Variants in ZNF829 observed in about 807,000 individuals in gnomAD.
ZNF829 encodes zinc finger protein 829.
ZNF829 carries 25 observed loss-of-function variants against 35.2 expected under a neutral mutation model. The observed-to-expected ratio is 0.71, with a 90% CI of 0.52 to 0.99. The LOEUF is 0.99. Ranked by LOEUF, ZNF829 falls within the 50% of genes least tolerant of loss-of-function variation. The pLI, the probability that ZNF829 is intolerant of heterozygous loss-of-function variation, is 0.00. For synonymous variants in ZNF829, 136 were observed against 163.2 expected (o/e 0.83, Z 1.27); for missense variants, 417 against 515.3 (o/e 0.81, Z 1.85).
chr19:36,900,394 T>C (rs2073154932), intron 5 of ZNF829, among the ~76,000 whole-genome samples: 1 of 149,366 alleles, frequency 6.7e-6, no homozygotes, highest in Non-Finnish European at 1.5e-5. Flanking sequence ...AAACTAAGAG[T>C]ACAATAAGAT....
chr19:36,903,331 GT>G (rs1568370406), intron 5 of ZNF829, among the ~76,000 whole-genome samples: 1 of 152,080 alleles, frequency 6.6e-6, no homozygotes, highest in Non-Finnish European at 1.5e-5. Context: ...GTTTTGTTTT[GT>G]TTTGTTTTTG....
intron 5 of ZNF829, among the ~76,000 whole-genome samples, chr19:36,900,191 CACACACAA>C (rs1044268541): frequency 1.1e-4 from 14 of 124,260 alleles, no homozygotes; most frequent in African/African-American, 3.1e-4. Context: ...CACACACACA[CACACACAA>C]ATTTGCTGGG....
intron 5 of ZNF829, chr19:36,907,396 C>G (rs908199670): frequency 2.6e-5 from 4 of 152,436 alleles, no homozygotes; most frequent in Admixed American, 1.3e-4. Context: ...TTCTGAGGTG[C>G]TAGTAATGTT....
intron 5 of ZNF829, among the ~76,000 whole-genome samples, chr19:36,898,859 T>C (rs1327474017): frequency 2.0e-5 from 3 of 152,224 alleles, no homozygotes; most frequent in African/African-American, 7.2e-5. Context: ...AAACTCAAAA[T>C]GAATTAAATA....
chr19:36,892,824 C>T (rs771493994), intron 5 of ZNF829: 97 of 869,390 alleles, frequency 1.1e-4, no homozygotes, highest in Non-Finnish European at 1.2e-4. Context: ...CCAGATCCCC[C>T]ACAGGCGCTG....
At position 36,892,281 on chromosome 19, in the gene ZNF829, T is replaced by C. The variant is rs80239416; in HGVS notation, c.510A>G (p.Gln170=). 2.0e-3 allele frequency: 3,156 copies of C among 1,613,894 alleles called. 64 individuals carry two copies. In the African/African-American group the frequency reaches 0.037, roughly 19 times the overall value. The stretch of plus-strand genomic sequence containing the variant: ...AATGAATTCTCTGATGTTGGATAAA[T>C]TGTGAGTTTTGATTAAAGGTCTTTC... ...ICGKTFNQNS[Q]FIQHQRIHFG... The change falls in exon 6 of 6, where the codon CAA becomes CAG. Residue 170 remains glutamine (Q), a synonymous_variant. Transcript: ENST00000391711.
At chr19:36,906,005 A>T (rs2073212575) in intron 5 of ZNF829, 2 of 152,190 alleles carry the variant, frequency 1.3e-5, no homozygotes, top group South Asian at 4.1e-4. Context: ...TCATCTCAAT[A>T]AACACTAAGA....
intron 5 of ZNF829, among the ~76,000 whole-genome samples, chr19:36,903,901 C>T (rs540870003): frequency 6.6e-6 from 1 of 151,830 alleles, no homozygotes; most frequent in African/African-American, 2.4e-5. Flanking sequence ...TTAAAAAAAC[C>T]AATTGTTCCA....
At chr19:36,910,687 G>T (rs1568372621) in intron 3 of ZNF829, among the ~76,000 whole-genome samples, 1 of 152,054 alleles carries the variant, frequency 6.6e-6, no homozygotes, top group Non-Finnish European at 1.5e-5. Flanking sequence ...CCATTTTGCT[G>T]TTCCTTAGTT....
At chr19:36,901,372 G>C (rs1293280991) in intron 5 of ZNF829, among the ~76,000 whole-genome samples, 1 of 152,164 alleles carries the variant, frequency 6.6e-6, no homozygotes, top group Non-Finnish European at 1.5e-5. Context: ...GGGAATAACA[G>C]CTAGAGTGTA....
At position 36,916,198 on chromosome 19, in the gene ZNF829, A is replaced by G; in HGVS notation, c.-272T>C. On this transcript the variant is annotated 5_prime_UTR_variant, in exon 1 of 6. Transcript: ENST00000391711. The surrounding 1 kb of genome is among the most constrained non-coding windows in gnomAD (Gnocchi z 5.3). Reference sequence around the variant, plus strand: ...CTCTCAACATCCAGCCGAGCCTCGGAGTTGCGGGTCGCCGTAGCGCTGCGC... The same window carrying G: ...CTCTCAACATCCAGCCGAGCCTCGGGGTTGCGGGTCGCCGTAGCGCTGCGC... The G allele has an allele frequency of 4.2e-6, 2 of 475,254 alleles. No individual in the cohort carries two copies. Among genetic ancestry groups the G allele is most frequent in the Non-Finnish European group, 7.5e-6 (2 of 267,736 alleles). The allele number at this position is 475,254 out of a possible 1,614,324, so 29.4% of individuals were successfully genotyped here. A position where few individuals can be genotyped will look rare whatever the true frequency, so the allele number is the denominator to read the frequency against.
At chr19:36,908,088 C>A in intron 4 of ZNF829, 64 bp from the exon 5 acceptor site, 4 of 1,433,204 alleles carry the variant, frequency 2.8e-6, no homozygotes, top group Non-Finnish European at 3.9e-6. Context: ...CAGATCCAGT[C>A]CCTTAGTGAT....
At chr19:36,913,778 AATAAAACACATTTAT>A (rs1440865573) in intron 3 of ZNF829, among the ~76,000 whole-genome samples, 2 of 152,194 alleles carry the variant, frequency 1.3e-5, no homozygotes, top group African/African-American at 2.4e-5. Context: ...CAAGCAGACA[AATAAAACACATTTAT>A]ATATCTTACA....
At chr19:36,910,190 T>A (rs2146248536) in intron 3 of ZNF829, among the ~76,000 whole-genome samples, 1 of 152,122 alleles carries the variant, frequency 6.6e-6, no homozygotes, top group Admixed American at 6.5e-5. Context: ...GTTCAAGCGA[T>A]TCTCCTCCTT....
rs747363645 is a variant in ZNF829, at chr19:36,889,420, C to A, written c.*2072G>T. The stretch of plus-strand genomic sequence containing the variant: ...GAATTCAGCTGTGAATCTGTCTGGT[C>A]CTGGGCTTTTTGTTTTTGCAAGATT... On this transcript the variant is annotated 3_prime_UTR_variant, in exon 6 of 6. Coordinates refer to ENST00000391711, the MANE Select transcript of ZNF829 (RefSeq NM_001037232.4). 6.6e-6 allele frequency: 1 copy of A among 151,992 alleles called. No individual in the cohort carries two copies. Among genetic ancestry groups the A allele is most frequent in the African/African-American group, 2.4e-5 (1 of 41,378 alleles). 9.4% of individuals were successfully genotyped at this position (151,992 alleles called of 1,614,324 possible).
At chr19:36,897,198 C>T (rs937458946) in intron 5 of ZNF829, among the ~76,000 whole-genome samples, 5 of 152,106 alleles carry the variant, frequency 3.3e-5, no homozygotes, top group African/African-American at 1.2e-4. Context: ...CTTCCTAATC[C>T]ATTCTACAAG....
intron 5 of ZNF829, among the ~76,000 whole-genome samples, chr19:36,897,199 A>G (rs2073121050): frequency 6.6e-6 from 1 of 152,200 alleles, no homozygotes; most frequent in Admixed American, 6.5e-5. Context: ...TTCCTAATCC[A>G]TTCTACAAGG....
intron 5 of ZNF829, among the ~76,000 whole-genome samples, chr19:36,896,318 A>C (rs1015416679): frequency 2.7e-5 from 4 of 148,752 alleles, no homozygotes; most frequent in African/African-American, 4.9e-5. Context: ...AAAAAAAAAA[A>C]AGAAAGAAAA....
intron 1 of ZNF829, 125 bp from the exon 2 acceptor site, chr19:36,915,376 G>A (rs2073308003): frequency 1.7e-6 from 2 of 1,168,404 alleles, no homozygotes; most frequent in African/African-American, 1.6e-5. Flanking sequence ...CTGCCCACAA[G>A]GAGCCACACA....
Sources: allele counts gnomAD v4.1 joint callset (sites outside exome capture counted in the v4.1 genomes callset), GRCh38; gene constraint gnomAD v4.1.1; non-coding constraint Gnocchi (gnomAD v3.1); transcripts MANE v1.5; gene names NCBI Gene and HGNC (gene_info 2026-07-23, HGNC 2026-07-21).